The following OPCML variants were observed in gnomAD, a reference collection of about 807,000 sequenced individuals.
OPCML encodes opioid binding protein/cell adhesion molecule like.
In OPCML, 13 loss-of-function variants were observed where a neutral mutation model predicts 37.8. The observed-to-expected ratio is 0.34, with a 90% confidence interval of 0.22 to 0.55. OPCML has a LOEUF of 0.55. Ranked by LOEUF, OPCML falls within the 20% of genes least tolerant of loss-of-function variation. The pLI is 0.91. For synonymous variants in OPCML, 176 were observed against 168.8 expected, an observed-to-expected ratio of 1.04 and a Z score of -0.33; for missense variants, 341 against 435.6, an observed-to-expected ratio of 0.78 and a Z score of 1.93.
chr11:133,113,514 G>T (rs904775474), intron 1 of OPCML, among the ~76,000 whole-genome samples: 3 of 152,148 alleles, frequency 2.0e-5, no homozygotes, highest in Non-Finnish European at 2.9e-5. Context: ...ATGCCACTAA[G>T]CTGAACGCTT....
chr11:133,192,180 G>A (rs1391826506), intron 1 of OPCML, among the ~76,000 whole-genome samples: 5 of 152,140 alleles, frequency 3.3e-5, no homozygotes, highest in African/African-American at 9.7e-5. Flanking sequence ...CAGATGAAGG[G>A]GCAGAATTAT....
At chr11:133,165,701 A>C (rs1950199967) in intron 1 of OPCML, among the ~76,000 whole-genome samples, 1 of 152,118 alleles carries the variant, frequency 6.6e-6, no homozygotes, top group African/African-American at 2.4e-5. Context: ...GTCACACAGC[A>C]TCAAGCAAAA....
chr11:132,686,915 C>T (rs1226763251), intron 2 of OPCML, among the ~76,000 whole-genome samples: 1 of 152,056 alleles, frequency 6.6e-6, no homozygotes, highest in Admixed American at 6.6e-5. Context: ...AAAACCAGAC[C>T]TATAAGCAGA....
intron 1 of OPCML, among the ~76,000 whole-genome samples, chr11:133,268,002 T>C (rs1047317950): frequency 6.6e-6 from 1 of 152,188 alleles, no homozygotes; most frequent in Non-Finnish European, 1.5e-5. Flanking sequence ...ATATACTCCT[T>C]CTCTAGTTCA....
intron 2 of OPCML, among the ~76,000 whole-genome samples, chr11:132,821,926 A>G (rs1020613790): frequency 6.6e-6 from 1 of 152,208 alleles, no homozygotes. Flanking sequence ...AAGGGAAGAA[A>G]TTAATGGTAA....
chr11:133,429,630 G>A (rs1246581186), intron 1 of OPCML, among the ~76,000 whole-genome samples: 1 of 152,160 alleles, frequency 6.6e-6, no homozygotes, highest in African/African-American at 2.4e-5. Flanking sequence ...TTTTGCAGAA[G>A]GTAGAGTCAA....
intron 2 of OPCML, among the ~76,000 whole-genome samples, chr11:132,923,755 A>ATTTTTTTTTTT (rs71038509): frequency 3.3e-5 from 3 of 92,098 alleles, no homozygotes; most frequent in Non-Finnish European, 6.0e-5. Context: ...AGTTACTTGA[A>ATTTTTTTTTTT]TTTTTTTTTT....
chr11:132,606,259 G>T (rs990539525), intron 3 of OPCML, among the ~76,000 whole-genome samples: 2 of 151,948 alleles, frequency 1.3e-5, no homozygotes, highest in Non-Finnish European at 2.9e-5. Flanking sequence ...GGACACAATT[G>T]CCCTTGCTTA....
In OPCML at chr11:133,074,551, TTCAGAGG is replaced by T. The variant is rs565558822; in HGVS notation, c.62-131548_62-131542del. Among the ~76,000 whole-genome samples, 659 of 152,262 alleles carry T rather than the reference TTCAGAGG, an allele frequency of 4.3e-3. 5 individuals are homozygous for T. Among genetic ancestry groups the T allele is most frequent in the African/African-American group, 0.015 (639 of 41,520 alleles). ...CCTATGCAGACTTTCCAGGCCAGAC[TTCAGAGG>T]TCCTTGAGGTTGGCTTCCAGGAGGA... On this transcript the variant is annotated intron_variant, in intron 1 of 7. Transcript: ENST00000524381.
In OPCML at chr11:132,650,185, C is replaced by A. The variant is rs189156967; in HGVS notation, c.379+6902G>T. 2.1e-3 allele frequency among the ~76,000 whole-genome samples: 325 copies of A among 152,324 alleles called. 1 individual carries two copies. Among genetic ancestry groups the A allele is most frequent in the African/African-American group, 7.3e-3 (305 of 41,570 alleles). ...AAGTGAACAACAAGGTTTACAGTCACCCCTAACTAGCAGTGTTAGTAAGGG... is the reference window on the plus strand; with the variant it reads ...AAGTGAACAACAAGGTTTACAGTCAACCCTAACTAGCAGTGTTAGTAAGGG... On this transcript the variant is annotated intron_variant, in intron 3 of 7. Coordinates refer to ENST00000524381, the MANE Select transcript of OPCML (RefSeq NM_001012393.5).
intron 7 of OPCML, among the ~76,000 whole-genome samples, chr11:132,421,445 A>G (rs1002235293): frequency 2.0e-5 from 3 of 152,162 alleles, no homozygotes; most frequent in Non-Finnish European, 4.4e-5. Context: ...ACCTCTTTAG[A>G]CAGGACTAGT....
At chr11:133,017,652 C>T (rs186136424) in intron 1 of OPCML, among the ~76,000 whole-genome samples, 5 of 152,244 alleles carry the variant, frequency 3.3e-5, no homozygotes, top group Admixed American at 3.3e-4. Flanking sequence ...GCCTCCCAAA[C>T]TGCTGAGATT....
intron 1 of OPCML, among the ~76,000 whole-genome samples, chr11:133,158,264 T>C (rs1950091329): frequency 6.6e-6 from 1 of 152,198 alleles, no homozygotes; most frequent in African/African-American, 2.4e-5. Flanking sequence ...TACCCAAAGA[T>C]GGTTTGTGTT....
intron 2 of OPCML, among the ~76,000 whole-genome samples, chr11:132,682,434 T>G (rs1265235688): frequency 1.3e-5 from 2 of 152,220 alleles, no homozygotes; most frequent in Non-Finnish European, 2.9e-5. Flanking sequence ...TTCTCTTTGT[T>G]TTTAACTGTT....
At chr11:132,602,134 G>A (rs1224126372) in intron 3 of OPCML, among the ~76,000 whole-genome samples, 1 of 152,122 alleles carries the variant, frequency 6.6e-6, no homozygotes, top group Non-Finnish European at 1.5e-5. Flanking sequence ...CATCGCAGCA[G>A]AGCCTCCTGC....
chr11:133,416,023 A>G (rs888123280), intron 1 of OPCML, among the ~76,000 whole-genome samples: 1 of 152,250 alleles, frequency 6.6e-6, no homozygotes, highest in African/African-American at 2.4e-5. Flanking sequence ...AGGCCTATCA[A>G]TATTTTAGTT....
chr11:133,449,251 A>C (rs777846096), intron 1 of OPCML, among the ~76,000 whole-genome samples: 1 of 152,222 alleles, frequency 6.6e-6, no homozygotes, highest in Non-Finnish European at 1.5e-5. Flanking sequence ...TTTTCTGCAA[A>C]AGGACAGAGA....
chr11:132,539,025 G>A (rs542491753), intron 3 of OPCML, among the ~76,000 whole-genome samples: 2 of 152,258 alleles, frequency 1.3e-5, no homozygotes, highest in African/African-American at 4.8e-5. Context: ...TATGTATAAC[G>A]ATGTAATATA....
intron 2 of OPCML, among the ~76,000 whole-genome samples, chr11:132,671,859 G>C (rs780816255): frequency 1.3e-5 from 2 of 152,052 alleles, no homozygotes; most frequent in African/African-American, 4.8e-5. Flanking sequence ...AAAAGAAAAC[G>C]AGAAGAAATA....
Sources: gnomAD v4.1 joint callset for allele counts (sites outside exome capture counted in the v4.1 genomes callset) on GRCh38, gnomAD v4.1.1 for gene constraint, MANE v1.5 for transcripts, NCBI Gene and HGNC (gene_info 2026-07-23, HGNC 2026-07-21) for gene names.